The following MLLT10 variants were observed in gnomAD, a reference collection of about 807,000 sequenced individuals.
The protein encoded by MLLT10 is protein AF-10.
In MLLT10, 30 loss-of-function variants were observed where a neutral mutation model predicts 129.1. That is an observed-to-expected ratio of 0.23 (90% CI 0.17 to 0.32). The LOEUF is 0.32. Among genes scored for constraint, MLLT10 ranks in the 10% least tolerant of loss-of-function variants. The pLI is 1.00. For missense variants in MLLT10, 1,119 were observed against 1,268.3 expected (o/e 0.88, Z 1.79); for synonymous variants, 490 against 446.4 (o/e 1.10, Z -1.23).
At chr10:21,548,047 C>T (rs1323890112) in intron 3 of MLLT10, among the ~76,000 whole-genome samples, 1 of 151,906 alleles carries the variant, frequency 6.6e-6, no homozygotes, top group Non-Finnish European at 1.5e-5. Flanking sequence ...TTTGTGTCTA[C>T]GAATTTCATT....
At position 21,670,461 on chromosome 10, in the gene MLLT10, A is replaced by G; in HGVS notation, c.808A>G (p.Thr270Ala). 6.2e-7 allele frequency: 1 copy of G among 1,611,418 alleles called. No homozygotes were observed. Among genetic ancestry groups the G allele is most frequent in the Non-Finnish European group, 8.5e-7 (1 of 1,179,224 alleles). Residue 270 changes from threonine to alanine, a missense_variant, in exon 10 of 23, where the codon ACT becomes GCT. By Grantham distance (58) the Thr-to-Ala change is moderately conservative (BLOSUM62 0). Coordinates refer to ENST00000307729, the MANE Select transcript of MLLT10 (RefSeq NM_001195626.3). ...ATCAAAATGTTAGACTTATACAAGC[A>G]CTAGCAACAACTCTATATCTGGATC... is the stretch of plus-strand genomic sequence containing the variant. ...TVTTEKTYTS[T>A]SNNSISGSLK...
chr10:21,687,608 C>T (rs1053387000), intron 13 of MLLT10, among the ~76,000 whole-genome samples: 11 of 151,970 alleles, frequency 7.2e-5, no homozygotes, highest in African/African-American at 2.4e-4. Flanking sequence ...ACAAGTGCTA[C>T]GAAGTTTGTT....
intron 14 of MLLT10, among the ~76,000 whole-genome samples, 197 bp from the exon 15 acceptor site, chr10:21,726,047 G>A (rs1002452947): frequency 1.3e-5 from 2 of 151,994 alleles, no homozygotes; most frequent in East Asian, 1.9e-4. Context: ...CACCGCGCCC[G>A]GCCTAGTTAT....
chr10:21,734,550 T>A (rs571829292), intron 20 of MLLT10, among the ~76,000 whole-genome samples: 1 of 152,356 alleles, frequency 6.6e-6, no homozygotes, highest in African/African-American at 2.4e-5. Flanking sequence ...TCCCAGGAAG[T>A]GAGACTCACT....
At chr10:21,579,071 T>A (rs2041097667) in intron 3 of MLLT10, among the ~76,000 whole-genome samples, 1 of 152,248 alleles carries the variant, frequency 6.6e-6, no homozygotes, top group Non-Finnish European at 1.5e-5. Context: ...GTTTTCTTTC[T>A]TTTATCTGAA....
intron 11 of MLLT10, 129 bp downstream of exon 11, chr10:21,674,048 T>A (rs1248487001): frequency 5.5e-6 from 4 of 729,516 alleles, no homozygotes. Context: ...AAAGTGAAAT[T>A]TCTCAGTTTT....
At position 21,653,584 on chromosome 10, in the gene MLLT10, G is replaced by A. The variant is rs112433165; in HGVS notation, c.795+1816G>A. On this transcript the variant is annotated intron_variant, in intron 9 of 22. Transcript: ENST00000307729. The stretch of plus-strand genomic sequence containing the variant: ...GTCTACCTGGAAAGTCCAAGATAAC[G>A]TCCCTATTTTAAAATCCTTAAGTTT... Among the ~76,000 whole-genome samples the A allele has an allele frequency of 7.7e-4, 117 of 152,202 alleles. 1 individual carries two copies. Among genetic ancestry groups the A allele is most frequent in the South Asian group, 2.9e-3 (14 of 4,818 alleles).
Position 21,743,141 on chromosome 10 carries a change from G to A in MLLT10, c.*1158G>A, listed in dbSNP as rs1436964967. 3 of 230,336 alleles carry A rather than the reference G, an allele frequency of 1.3e-5. No homozygotes were observed. Among genetic ancestry groups the A allele is most frequent in the Admixed American group, 5.7e-5 (1 of 17,662 alleles). 14.3% of individuals were successfully genotyped at this position (230,336 alleles called of 1,614,324 possible). ...AGTACCGCAGAGTGATTCCCCCACTGAGGATGTCATCATCAAACTCTTCTT... is the reference window on the plus strand; with the variant it reads ...AGTACCGCAGAGTGATTCCCCCACTAAGGATGTCATCATCAAACTCTTCTT... On this transcript the variant is annotated 3_prime_UTR_variant, in exon 23 of 23. Coordinates refer to ENST00000307729, the MANE Select transcript of MLLT10 (RefSeq NM_001195626.3).
rs2052712996 is a variant in MLLT10, at chr10:21,681,280, T to A, written c.1622-52T>A. 2.5e-6 allele frequency: 4 copies of A among 1,609,500 alleles called. No homozygotes were observed. The East Asian group carries it at 9.0e-5, about 36-fold the overall frequency. ...TTCTGGCCTATCTCTTTTTTTACCCTTGAGTCACTGGCAATTTCTTCACTG... is the reference window on the plus strand; with the variant it reads ...TTCTGGCCTATCTCTTTTTTTACCCATGAGTCACTGGCAATTTCTTCACTG... On this transcript the variant is annotated intron_variant, in intron 11 of 22. Coordinates refer to ENST00000307729, the MANE Select transcript of MLLT10 (RefSeq NM_001195626.3).
chr10:21,674,165 A>G (rs1340281941), intron 11 of MLLT10, among the ~76,000 whole-genome samples: 1 of 152,212 alleles, frequency 6.6e-6, no homozygotes, highest in African/African-American at 2.4e-5. Context: ...AATGTAGGCT[A>G]AACAATCTAT....
In MLLT10 at chr10:21,670,634, A is replaced by G. The variant is rs777383826; in HGVS notation, c.981A>G (p.Gln327=). 1.2e-5 allele frequency: 20 copies of G among 1,614,090 alleles called. No homozygotes were observed. The highest frequency in any genetic ancestry group is 4.5e-5 in the East Asian group (2 of 44,882). ...GKKSSAHSSG[Q]RGRKPGGGRN... Reference sequence around the variant, plus strand: ...AATCTTCAGCTCACAGCTCAGGTCAAAGGGGAAGAAAGCCTGGTGGTGGAA... The same window carrying G: ...AATCTTCAGCTCACAGCTCAGGTCAGAGGGGAAGAAAGCCTGGTGGTGGAA... Residue 327 remains glutamine (Q), a synonymous_variant, in exon 10 of 23, where the codon CAA becomes CAG. Coordinates refer to ENST00000307729, the MANE Select transcript of MLLT10 (RefSeq NM_001195626.3).
Position 21,670,486 on chromosome 10 carries a change from C to T in MLLT10, c.833C>T (p.Ser278Leu). ...TSTSNNSISGSLKRLEDTTAR... is the reference protein window; with the variant it reads ...TSTSNNSISGLLKRLEDTTAR... The stretch of plus-strand genomic sequence containing the variant: ...ACTAGCAACAACTCTATATCTGGAT[C>T]ATTGAAGCGCTTGGAAGATACTACT... Residue 278 changes from serine (S) to leucine (L), a missense_variant, in exon 10 of 23, where the codon TCA (serine) becomes TTA (leucine). Coordinates refer to ENST00000307729, the MANE Select transcript of MLLT10 (RefSeq NM_001195626.3). 1 of 1,613,982 alleles carries T rather than the reference C, an allele frequency of 6.2e-7. No individual in the cohort carries two copies.
chr10:21,704,027 T>TTTG (rs2055208482), intron 13 of MLLT10, among the ~76,000 whole-genome samples: 1 of 137,514 alleles, frequency 7.3e-6, no homozygotes, highest in Admixed American at 7.3e-5. Flanking sequence ...TTTTTTTTTT[T>TTTG]TTTTTTTTTT....
rs369096900 is a variant in MLLT10 at position 21,584,166 on chromosome 10, C to T, written c.241-2128C>T. ...TACAGGCGTCAGCCACCGCGCCCAG[C>T]CTTTTTTTTTTTTTGAGATGGAGTT... is the stretch of plus-strand genomic sequence containing the variant. On this transcript the variant is annotated intron_variant, in intron 3 of 22. Coordinates refer to ENST00000307729, the MANE Select transcript of MLLT10 (RefSeq NM_001195626.3). Among the ~76,000 whole-genome samples, 7 of 148,886 alleles carry T rather than the reference C, an allele frequency of 4.7e-5. No homozygotes were observed. The East Asian group carries it at 8.0e-4, about 17-fold the overall frequency.
intron 2 of MLLT10, among the ~76,000 whole-genome samples, chr10:21,538,507 G>C (rs960783420): frequency 6.6e-6 from 1 of 151,574 alleles, no homozygotes; most frequent in Non-Finnish European, 1.5e-5. Context: ...GAGTCTCACT[G>C]TATTGCCTAG....
At chr10:21,653,972 C>A (rs1247355208) in intron 9 of MLLT10, among the ~76,000 whole-genome samples, 1 of 152,122 alleles carries the variant, frequency 6.6e-6, no homozygotes, top group Admixed American at 6.6e-5. Context: ...AGAGGAGGTA[C>A]AACCGACAAA....
chr10:21,547,128 C>T (rs2036210740), intron 3 of MLLT10, among the ~76,000 whole-genome samples: 1 of 152,108 alleles, frequency 6.6e-6, no homozygotes, highest in Admixed American at 6.5e-5. Context: ...CCTTGGCCTC[C>T]CAAAGTGCTG....
intron 8 of MLLT10, among the ~76,000 whole-genome samples, chr10:21,645,167 T>C (rs1009762944): frequency 6.6e-6 from 1 of 152,194 alleles, no homozygotes; most frequent in Non-Finnish European, 1.5e-5. Context: ...GATTAAGAGC[T>C]GAATCCTGTA....
chr10:21,683,752 GT>G (rs1042575008), intron 13 of MLLT10, among the ~76,000 whole-genome samples: 14 of 143,990 alleles, frequency 9.7e-5, no homozygotes, highest in East Asian at 6.0e-4. Context: ...TTGGGGTTTT[GT>G]TTTTTTTTTT....
Sources: allele counts gnomAD v4.1 joint callset (sites outside exome capture counted in the v4.1 genomes callset), GRCh38; gene constraint gnomAD v4.1.1; transcripts MANE v1.5; gene names NCBI Gene and HGNC (gene_info 2026-07-23, HGNC 2026-07-21).